PALM2AKAP2: variants seen among roughly 807,000 people sequenced by gnomAD.
PALM2AKAP2 encodes PALM2-AKAP2 fusion protein.
Under a neutral mutation model 71.5 loss-of-function variants are expected in PALM2AKAP2, and 37 were observed. That is an observed-to-expected ratio of 0.52 (90% confidence interval 0.40 to 0.68). PALM2AKAP2 has a LOEUF of 0.68. Ranked by LOEUF, PALM2AKAP2 falls within the 30% of genes least tolerant of loss-of-function variation. The probability of loss-of-function intolerance (pLI) is 0.00; values close to 1 mark genes in which losing one functional copy is unlikely to be tolerated. For missense variants in PALM2AKAP2, 1,224 were observed against 1,191.8 expected, an observed-to-expected ratio of 1.03 and a Z score of -0.40; for synonymous variants, 468 against 478.8, an observed-to-expected ratio of 0.98 and a Z score of 0.29.
intron 1 of PALM2AKAP2, among the ~76,000 whole-genome samples, chr9:109,730,751 C>A (rs1336038976): frequency 6.6e-6 from 1 of 152,074 alleles, no homozygotes; most frequent in African/African-American, 2.4e-5. Context: ...TTTTCTCAGG[C>A]CAATGGGATG....
chr9:110,103,172 T>C (rs768824726), intron 1 of PALM2AKAP2, among the ~76,000 whole-genome samples: 2 of 152,214 alleles, frequency 1.3e-5, no homozygotes, highest in Non-Finnish European at 2.9e-5. Context: ...TTCTCATAGA[T>C]GCAATTTTAC....
chr9:109,907,348 C>T (rs1263937596), intron 3 of PALM2AKAP2, among the ~76,000 whole-genome samples: 8 of 152,174 alleles, frequency 5.3e-5, no homozygotes, highest in East Asian at 3.9e-4. Flanking sequence ...GAATGAGTGA[C>T]CCAGAACATT....
chr9:109,925,135 A>AT lies in PALM2AKAP2; in HGVS notation c.394+53_394+54insT. 14 of 1,612,052 alleles carry AT rather than the reference A, an allele frequency of 8.7e-6. No individual in the cohort carries two copies. In the South Asian group the frequency reaches 1.4e-4, roughly 16 times the overall value. On this transcript the variant is annotated intron_variant, in intron 5 of 9. Transcript: ENST00000302798. ...TGAATGTTTTAATCCTGGTCAGCTT[A>AT]GGGGGTTTCATTAACAGGGGCTTAA... is the stretch of plus-strand genomic sequence containing the variant.
intron 1 of PALM2AKAP2, among the ~76,000 whole-genome samples, chr9:109,754,078 T>G (rs1418925924): frequency 6.6e-6 from 1 of 152,204 alleles, no homozygotes; most frequent in African/African-American, 2.4e-5. Flanking sequence ...TTACTGTACA[T>G]TAAAAGTTTT....
intron 3 of PALM2AKAP2, among the ~76,000 whole-genome samples, chr9:109,901,163 G>C (rs936531523): frequency 6.6e-5 from 10 of 152,170 alleles, no homozygotes; most frequent in African/African-American, 2.2e-4. Flanking sequence ...TCCAGAACTG[G>C]ACCTGAGTTA....
intron 6 of PALM2AKAP2, among the ~76,000 whole-genome samples, chr9:109,982,509 G>T (rs1196789963): frequency 6.6e-6 from 1 of 152,180 alleles, no homozygotes; most frequent in Non-Finnish European, 1.5e-5. Context: ...TGCTTGAGGT[G>T]ATGGATACCC....
intron 6 of PALM2AKAP2, among the ~76,000 whole-genome samples, chr9:109,998,484 A>G (rs1043914261): frequency 2.0e-5 from 3 of 152,158 alleles, no homozygotes; most frequent in African/African-American, 7.2e-5. Context: ...CCCAGCAAAC[A>G]AAAGCGAACA....
At chr9:109,769,583 G>A (rs1241513089) in intron 1 of PALM2AKAP2, among the ~76,000 whole-genome samples, 1 of 152,192 alleles carries the variant, frequency 6.6e-6, no homozygotes. Flanking sequence ...CAAACTGGAA[G>A]TAAAATGACT....
intron 1 of PALM2AKAP2, among the ~76,000 whole-genome samples, chr9:110,082,602 A>G (rs1293777031): frequency 6.6e-6 from 1 of 152,254 alleles, no homozygotes; most frequent in Non-Finnish European, 1.5e-5. Context: ...GCATAAAGAT[A>G]GTGGATTGAA....
intron 5 of PALM2AKAP2, among the ~76,000 whole-genome samples, chr9:109,928,702 C>T (rs1470683572): frequency 1.3e-5 from 2 of 150,058 alleles, no homozygotes; most frequent in African/African-American, 4.9e-5. Flanking sequence ...GTCAGCATCT[C>T]ACTCTGTCAC....
At chr9:110,025,466 T>C (rs1161331014) in intron 7 of PALM2AKAP2, 4 of 635,648 alleles carry the variant, frequency 6.3e-6, no homozygotes, top group East Asian at 2.7e-5. Context: ...TGGCAGTAAG[T>C]ATTCTTGCTA....
chr9:110,054,726 C>T (rs909373033), intron 1 of PALM2AKAP2, among the ~76,000 whole-genome samples: 6 of 152,092 alleles, frequency 3.9e-5, no homozygotes, highest in Non-Finnish European at 4.4e-5. Flanking sequence ...GTGCATGCCA[C>T]CATGCCTGGC....
rs527277036 is a variant in PALM2AKAP2 at position 109,821,361 on chromosome 9, A to G, written c.45+40828A>G. Among the ~76,000 whole-genome samples the G allele has an allele frequency of 1.2e-4, 19 of 152,318 alleles. No individual in the cohort carries two copies. In the East Asian group the frequency reaches 3.7e-3, roughly 29 times the overall value. ...CAACAACAACAACAACAACAAAATA[A>G]TAATAATAATTGTCTTTGAATGGCT... is the stretch of plus-strand genomic sequence containing the variant. On this transcript the variant is annotated intron_variant, in intron 1 of 9. Coordinates refer to the PALM2AKAP2 transcript ENST00000302798.
chr9:109,991,255 A>G (rs1464668359), intron 6 of PALM2AKAP2, among the ~76,000 whole-genome samples: 1 of 148,128 alleles, frequency 6.8e-6, no homozygotes, highest in Non-Finnish European at 1.5e-5. Context: ...TTTTTTTTTT[A>G]AGACAGAGTC....
chr9:110,073,169 G>A (rs992142717), intron 1 of PALM2AKAP2, among the ~76,000 whole-genome samples: 3 of 152,168 alleles, frequency 2.0e-5, no homozygotes, highest in African/African-American at 7.2e-5. Context: ...TGAGTCTTTA[G>A]TGCGAAGCCC....
chr9:109,905,657 GC>G (rs1292108769), intron 3 of PALM2AKAP2, among the ~76,000 whole-genome samples: 1 of 152,208 alleles, frequency 6.6e-6, no homozygotes, highest in Non-Finnish European at 1.5e-5. Context: ...GCTACCCCAA[GC>G]CCCGTTTTGC....
At chr9:109,807,475 A>G (rs1260425335) in intron 1 of PALM2AKAP2, among the ~76,000 whole-genome samples, 1 of 151,526 alleles carries the variant, frequency 6.6e-6, no homozygotes, top group East Asian at 1.9e-4. Context: ...GGTGTCTGGC[A>G]AGGGCCTGTT....
intron 3 of PALM2AKAP2, among the ~76,000 whole-genome samples, chr9:110,160,543 G>T (rs1165670202): frequency 1.3e-5 from 2 of 152,136 alleles, no homozygotes; most frequent in Non-Finnish European, 2.9e-5. Context: ...TTTTCCTTCA[G>T]GCATGAAGAA....
At chr9:110,075,619 G>T (rs1834303718) in intron 1 of PALM2AKAP2, among the ~76,000 whole-genome samples, 1 of 150,786 alleles carries the variant, frequency 6.6e-6, no homozygotes, top group South Asian at 2.1e-4. Context: ...AACCTCTATA[G>T]TCGCTCCTGT....
Sources: gnomAD v4.1 joint callset for allele counts (sites outside exome capture counted in the v4.1 genomes callset) on GRCh38, gnomAD v4.1.1 for gene constraint, MANE v1.5 for transcripts, NCBI Gene and HGNC (gene_info 2026-07-23, HGNC 2026-07-21) for gene names.